The following CUL9 variants were observed in gnomAD, a reference collection of about 807,000 sequenced individuals.
CUL9 encodes the protein cullin-9.
A neutral mutation model predicts 272.6 loss-of-function variants in CUL9; 79 were observed. That is an observed-to-expected ratio of 0.29 (90% CI 0.24 to 0.35). The LOEUF (loss-of-function observed/expected upper bound fraction) is 0.35, where lower values mean the gene tolerates loss of function less well. CUL9 is among the 10% of genes least tolerant of loss of function. The probability of loss-of-function intolerance (pLI) is 1.00; values close to 1 mark genes in which losing one functional copy is unlikely to be tolerated. For missense variants in CUL9, 2,532 were observed against 3,255.6 expected, an observed-to-expected ratio of 0.78 and a Z score of 5.41; for synonymous variants, 1,186 against 1,286.5, an observed-to-expected ratio of 0.92 and a Z score of 1.67.
chr6:43,219,895 G>T (rs905606246), intron 31 of CUL9, among the ~76,000 whole-genome samples: 3 of 152,158 alleles, frequency 2.0e-5, no homozygotes, highest in Admixed American at 6.5e-5. Flanking sequence ...CGATATGAAA[G>T]TTCCAACACT....
rs1372746458 is a variant in CUL9, at chr6:43,221,861, C to T, written c.6846+83C>T. The T allele has an allele frequency of 8.1e-7, 1 of 1,227,310 alleles. No homozygotes were observed. The highest frequency in any genetic ancestry group is 1.5e-5 in the African/African-American group (1 of 67,696). The allele number at this position is 1,227,310 out of a possible 1,614,324, so 76.0% of individuals were successfully genotyped here. On this transcript the variant is annotated intron_variant, in intron 35 of 40. Transcript: ENST00000252050. This position sits in a 1 kb window ranked among gnomAD's most constrained non-coding sequence, Gnocchi z 4.2. ...GCTACCAGGTCCTGGGCAGACAGGG[C>T]TCCTTGTGCAGTGCAGCATTCTAGC...
Position 43,196,861 on chromosome 6 carries a change from A to G in CUL9, c.2802A>G (p.Ala934=). 1 of 1,613,506 alleles carries G rather than the reference A, an allele frequency of 6.2e-7. No homozygotes were observed. ...AGCCGCCGGGCAGCCCTGAGCGTGC[A>G]GGTACCATTGTGGAGGGGTGGTTTT... The part of the protein sequence containing the change: ...YSEPPGSPER[A]ALETPIIQGQ... Residue 934 remains alanine (A), a splice_region_variant and synonymous_variant, in exon 11 of 41, where the codon GCA becomes GCG. Transcript: ENST00000252050.
rs1230741015 is a variant in CUL9, at chr6:43,196,730, C to G, written c.2671C>G (p.Gln891Glu). The G allele has an allele frequency of 6.2e-7, 1 of 1,614,158 alleles. No individual in the cohort carries two copies. The highest frequency in any genetic ancestry group is 1.7e-5 in the Admixed American group (1 of 60,018). The change falls in exon 11 of 41, where the codon CAA becomes GAA. Residue 891 changes from glutamine (Q) to glutamate (E), a missense_variant. By Grantham distance (29) the Gln-to-Glu change is conservative. Transcript: ENST00000252050. The stretch of plus-strand genomic sequence containing the variant: ...CACTCTGGGAGACCAGATTATAACC[C>G]AAGAGCTGAGAGACACGTTGTTTAG... ...HHTLGDQIITQELRDTLFRHS... is the reference protein window; with the variant it reads ...HHTLGDQIITEELRDTLFRHS...
In CUL9 at chr6:43,186,953, A is replaced by T; in HGVS notation, c.1252-7A>T. 6.2e-7 allele frequency: 1 copy of T among 1,613,704 alleles called. No individual in the cohort carries two copies. The highest frequency in any genetic ancestry group is 8.5e-7 in the Non-Finnish European group (1 of 1,179,792). Reference sequence around the variant, plus strand: ...ATTCTGCTCTCTTTCTTCCTCCCTCATACCAGGTTTTCTGGCAGTCGACAG... The same window carrying T: ...ATTCTGCTCTCTTTCTTCCTCCCTCTTACCAGGTTTTCTGGCAGTCGACAG... On this transcript the variant is annotated splice_region_variant and splice_polypyrimidine_tract_variant and intron_variant, in intron 4 of 40. Transcript: ENST00000252050.
intron 26 of CUL9, chr6:43,212,907 C>A (rs962799891): frequency 1.1e-5 from 5 of 460,394 alleles, no homozygotes; most frequent in African/African-American, 1.0e-4. Flanking sequence ...TTGCATGGAA[C>A]CTGCCTGGCT....
Position 43,200,480 on chromosome 6 carries a change from C to T in CUL9, c.3429C>T (p.Pro1143=). The change falls in exon 15 of 41, where the codon CCC becomes CCT. Residue 1143 remains proline, a synonymous_variant. Transcript: ENST00000252050. The surrounding 1 kb of genome is among the most constrained non-coding windows in gnomAD (Gnocchi z 4.0). ...AAGACCACAGACGAACCCACCAACC[C>T]ATCAATATCCCCTTCTTTGATGTGT... The part of the protein sequence containing the change: ...QIEDHRRTHQ[P]INIPFFDVFL... The T allele has an allele frequency of 6.2e-7, 1 of 1,614,200 alleles. No individual in the cohort carries two copies. The highest frequency in any genetic ancestry group is 8.5e-7 in the Non-Finnish European group (1 of 1,180,050).
At position 43,198,758 on chromosome 6, in the gene CUL9, C is replaced by T; in HGVS notation, c.2953C>T (p.Leu985Phe). 6.2e-7 allele frequency: 1 copy of T among 1,614,112 alleles called. No individual in the cohort carries two copies. Among genetic ancestry groups the T allele is most frequent in the Non-Finnish European group, 8.5e-7 (1 of 1,180,030 alleles). ...CCCCGGAGGTGCCGTGAGGCCCCTCCTCAAGCGCCTCCAGCAGGAGACCCA... is the reference window on the plus strand; with the variant it reads ...CCCCGGAGGTGCCGTGAGGCCCCTCTTCAAGCGCCTCCAGCAGGAGACCCA... ...GSPGGAVRPL[L>F]KRLQQETQPF... Residue 985 changes from leucine (L) to phenylalanine (F), a missense_variant, in exon 12 of 41, where the codon CTC becomes TTC. Coordinates refer to ENST00000252050, the MANE Select transcript of CUL9 (RefSeq NM_015089.4).
At position 43,200,605 on chromosome 6, in the gene CUL9, T is replaced by A; in HGVS notation, c.3476-58T>A. ...TTCCCTTCCTGCTCCTTAGACCTTT[T>A]CCTTTTTCCTCTCAACTAACCTAGC... is the stretch of plus-strand genomic sequence containing the variant. On this transcript the variant is annotated intron_variant, in intron 15 of 40. Transcript: ENST00000252050. This position sits in a 1 kb window ranked among gnomAD's most constrained non-coding sequence, Gnocchi z 4.0. 2 of 1,613,518 alleles carry A rather than the reference T, an allele frequency of 1.2e-6. No individual in the cohort carries two copies. The highest frequency in any genetic ancestry group is 8.5e-7 in the Non-Finnish European group (1 of 1,179,534).
chr6:43,196,457 C>T, intron 10 of CUL9, 188 bp from the exon 11 acceptor site: 1 of 760,068 alleles, frequency 1.3e-6, no homozygotes, highest in Non-Finnish European at 2.2e-6. Context: ...CCAGAGAGGG[C>T]AGAGACACAC....
Position 43,202,815 on chromosome 6 carries a change from C to T in CUL9, c.3747C>T (p.Leu1249=). 4 of 1,614,012 alleles carry T rather than the reference C, an allele frequency of 2.5e-6. No homozygotes were observed. The highest frequency in any genetic ancestry group is 3.4e-6 in the Non-Finnish European group (4 of 1,179,920). The change falls in exon 17 of 41, where the codon CTC becomes CTT. Residue 1249 remains leucine (L), a synonymous_variant. Coordinates refer to ENST00000252050, the MANE Select transcript of CUL9 (RefSeq NM_015089.4). ...GCACCAGCTGCATCGGCACTGAGCT[C>T]AACACGGTGGGGACCCTTGTGCCCA... ...GDSTSCIGTE[L]NTVNVMPSAS...
rs1376337971 is a variant in CUL9 at position 43,198,680 on chromosome 6, C to G, written c.2875C>G (p.Pro959Ala). The change falls in exon 12 of 41, where the codon CCA becomes GCA. Residue 959 changes from proline (P) to alanine (A), a missense_variant. Transcript: ENST00000252050. The stretch of plus-strand genomic sequence containing the variant: ...ACTGATTCGATCCCTGGTTGGGGGC[C>G]CATCTGCAGAACTACTCCTGGACTT... Reference protein sequence around the residue: ...ELLIRSLVGGPSAELLLDLER... With the variant: ...ELLIRSLVGGASAELLLDLER... 12 of 1,613,908 alleles carry G rather than the reference C, an allele frequency of 7.4e-6. No homozygotes were observed. The highest frequency in any genetic ancestry group is 1.0e-5 in the Non-Finnish European group (12 of 1,179,912).
rs148687634 is a variant in CUL9, at chr6:43,184,726, C to T, written c.416C>T (p.Thr139Met). ...GCAGAAAGTGGGACCCCAAGCCTCA[C>T]GGCCGCTGTGCTTCACACCATCCAC... is the stretch of plus-strand genomic sequence containing the variant. ...QLAESGTPSL[T>M]AAVLHTIHVL... Residue 139 changes from threonine (T) to methionine (M), a missense_variant, in exon 2 of 41, where the codon ACG becomes ATG. By Grantham distance (81) the Thr-to-Met change is moderately conservative. Around this residue, in one of 3 missense-constraint regions of CUL9, gnomAD observed 2,218 missense variants for 2,788.6 expected, o/e 0.80. Transcript: ENST00000252050. The surrounding 1 kb of genome is among the most constrained non-coding windows in gnomAD (Gnocchi z 4.8). 222 of 1,614,194 alleles carry T rather than the reference C, an allele frequency of 1.4e-4. No homozygotes were observed. The East Asian group carries it at 4.2e-3, about 31-fold the overall frequency.
chr6:43,187,950 G>A lies in CUL9; in HGVS notation c.1819G>A (p.Glu607Lys). ...ESKSEASFSE[E>K]ETESLKAKAE... ...CAAGTCGGAGGCCAGCTTCTCAGAGGAAGAGACTGAGTCCCTCAAAGCAAA... is the reference window on the plus strand; with the variant it reads ...CAAGTCGGAGGCCAGCTTCTCAGAGAAAGAGACTGAGTCCCTCAAAGCAAA... Residue 607 changes from glutamate to lysine, a missense_variant, in exon 7 of 41, where the codon GAA (glutamate) becomes AAA (lysine). Glu to Lys is a moderately conservative substitution (Grantham distance 56, BLOSUM62 1). Coordinates refer to ENST00000252050, the MANE Select transcript of CUL9 (RefSeq NM_015089.4). The A allele has an allele frequency of 6.2e-7, 1 of 1,614,072 alleles. No individual in the cohort carries two copies. Among genetic ancestry groups the A allele is most frequent in the East Asian group, 2.2e-5 (1 of 44,878 alleles).
chr6:43,224,125 G>C lies in CUL9; in HGVS notation c.7315G>C (p.Val2439Leu), dbSNP rs750949648. The C allele has an allele frequency of 6.2e-7, 1 of 1,614,216 alleles. No homozygotes were observed. Among genetic ancestry groups the C allele is most frequent in the Non-Finnish European group, 8.5e-7 (1 of 1,180,034 alleles). The stretch of plus-strand genomic sequence containing the variant: ...CCGGGTTGGTCTTCAGAGTCCATCA[G>C]TAGAGGCCTGGGAGGCAAAAGGACC... The part of the protein sequence containing the change: ...DFRVGLQSPS[V>L]EAWEAKGPNM... The change falls in exon 40 of 41, where the codon GTA becomes CTA. Residue 2439 changes from valine (V) to leucine (L), a missense_variant. Val to Leu is a conservative substitution (Grantham distance 32). Transcript: ENST00000252050. The surrounding 1 kb of genome is among the most constrained non-coding windows in gnomAD (Gnocchi z 4.2).
At chr6:43,211,613 A>C (rs1264159354) in intron 26 of CUL9, among the ~76,000 whole-genome samples, 4 of 152,146 alleles carry the variant, frequency 2.6e-5, no homozygotes, top group African/African-American at 9.7e-5. Flanking sequence ...AAACCCTACC[A>C]GTTTTTTTAT....
chr6:43,189,141 T>TG (rs1408710196), intron 8 of CUL9, among the ~76,000 whole-genome samples: 7 of 151,822 alleles, frequency 4.6e-5, no homozygotes, highest in Non-Finnish European at 1.0e-4. Context: ...TACGTACTTT[T>TG]TTTTTTTCAC....
intron 12 of CUL9, 80 bp downstream of exon 12, chr6:43,198,935 T>C (rs1774266806): frequency 6.7e-7 from 1 of 1,503,478 alleles, no homozygotes; most frequent in South Asian, 1.3e-5. Context: ...TTCTTTTCTG[T>C]TTTCTTTTTT....
chr6:43,223,582 C>T lies in CUL9; in HGVS notation c.7284+185C>T. 1.4e-6 allele frequency: 1 copy of T among 701,868 alleles called. No individual in the cohort carries two copies. Among genetic ancestry groups the T allele is most frequent in the Non-Finnish European group, 2.3e-6 (1 of 432,268 alleles). The allele number at this position is 701,868 out of a possible 1,614,324, so 43.5% of individuals were successfully genotyped here. On this transcript the variant is annotated intron_variant, in intron 39 of 40. Coordinates refer to ENST00000252050, the MANE Select transcript of CUL9 (RefSeq NM_015089.4). The surrounding 1 kb of genome is among the most constrained non-coding windows in gnomAD (Gnocchi z 4.1). ...CCTGCCTGATGCTGCTGGACCCTAT[C>T]ACTTCACCTCCTGGGGATTCCTACA...
chr6:43,185,642 A>G, intron 3 of CUL9, 32 bp downstream of exon 3: 3 of 1,599,258 alleles, frequency 1.9e-6, no homozygotes, highest in Non-Finnish European at 1.7e-6. Flanking sequence ...AATGCTGTGT[A>G]CAAGGGCTAA....
Sources: gnomAD v4.1 joint callset for allele counts (sites outside exome capture counted in the v4.1 genomes callset) on GRCh38, gnomAD v4.1.1 for gene constraint, gnomAD v4.1.1 regional missense constraint, Gnocchi (gnomAD v3.1) non-coding constraint, MANE v1.5 for transcripts, NCBI Gene and HGNC (gene_info 2026-07-23, HGNC 2026-07-21) for gene names.